Variants in LAMA2 observed in about 807,000 individuals in gnomAD.
The protein encoded by LAMA2 is laminin subunit alpha 2.
LAMA2 carries 269 observed loss-of-function variants against 364.8 expected under a neutral mutation model. That is an observed-to-expected ratio of 0.74 (90% CI 0.67 to 0.82). The LOEUF is 0.82. Ranked by LOEUF, LAMA2 falls within the 40% of genes least tolerant of loss-of-function variation. The pLI, the probability that LAMA2 is intolerant of heterozygous loss-of-function variation, is 0.00. For synonymous variants in LAMA2, 1,379 were observed against 1,370.6 expected (o/e 1.01, Z -0.14); for missense variants, 3,807 against 3,873.2 (o/e 0.98, Z 0.45).
chr6:129,445,180 A>G (rs919921269), intron 44 of LAMA2, among the ~76,000 whole-genome samples: 5 of 152,180 alleles, frequency 3.3e-5, no homozygotes, highest in Non-Finnish European at 7.4e-5. Context: ...TTCAAAAGAC[A>G]TTTTGATAGC....
At position 129,515,104 on chromosome 6, in the gene LAMA2, A is replaced by G. The variant is rs9492335; in HGVS notation, c.9211+509A>G. On this transcript the variant is annotated intron_variant, in intron 64 of 64. Coordinates refer to ENST00000421865, the MANE Select transcript of LAMA2 (RefSeq NM_000426.4). The stretch of plus-strand genomic sequence containing the variant: ...CTCATTCAGAATCCTTCTCTAGCAC[A>G]TTAAATATAGCATGTGAACTGTAGA... 3.8e-3 allele frequency among the ~76,000 whole-genome samples: 580 copies of G among 152,346 alleles called. 5 individuals are homozygous for G. The highest frequency in any genetic ancestry group is 0.013 in the African/African-American group (556 of 41,584).
At chr6:128,899,949 T>C (rs973670882) in intron 1 of LAMA2, among the ~76,000 whole-genome samples, 4 of 152,198 alleles carry the variant, frequency 2.6e-5, no homozygotes, top group African/African-American at 9.7e-5. Flanking sequence ...ATTATAGGGA[T>C]AAAATATAGA....
At chr6:128,978,003 T>A (rs949441171) in intron 1 of LAMA2, among the ~76,000 whole-genome samples, 8 of 152,204 alleles carry the variant, frequency 5.3e-5, no homozygotes, top group Non-Finnish European at 1.2e-4. Context: ...GAAATTTTTT[T>A]AAAATGATAT....
At chr6:128,989,266 A>G (rs1285771689) in intron 1 of LAMA2, among the ~76,000 whole-genome samples, 1 of 152,224 alleles carries the variant, frequency 6.6e-6, no homozygotes, top group Non-Finnish European at 1.5e-5. Flanking sequence ...TATAATATGA[A>G]GATAGAATAA....
At chr6:129,029,200 A>C (rs1337740141) in intron 1 of LAMA2, among the ~76,000 whole-genome samples, 1 of 151,996 alleles carries the variant, frequency 6.6e-6, no homozygotes, top group Non-Finnish European at 1.5e-5. Context: ...ATGATGAAGA[A>C]ATTACTCTGT....
rs1266546305 is a variant in LAMA2 at position 129,460,584 on chromosome 6, A to AT, written c.6992+264dup. ...TTTATAAAATTTGCAAAGGTAAGAG[A>AT]TTTTGGCTACAATCAGTTAAGTTTC... On this transcript the variant is annotated intron_variant, in intron 49 of 64. Transcript: ENST00000421865. Among the ~76,000 whole-genome samples, 3 of 151,958 alleles carry AT rather than the reference A, an allele frequency of 2.0e-5. No homozygotes were observed. The East Asian group carries it at 5.8e-4, about 29-fold the overall frequency.
intron 1 of LAMA2, among the ~76,000 whole-genome samples, chr6:128,995,660 T>C (rs1783889644): frequency 6.6e-6 from 1 of 152,100 alleles, no homozygotes; most frequent in Admixed American, 6.5e-5. Flanking sequence ...CTTCTCTCTC[T>C]CCCCTCTGTT....
At chr6:129,222,587 G>A (rs1247548296) in intron 12 of LAMA2, among the ~76,000 whole-genome samples, 11 of 145,744 alleles carry the variant, frequency 7.5e-5, no homozygotes, top group Non-Finnish European at 1.5e-5. Context: ...GTGAGAATAT[G>A]CGATGTTTAG....
At chr6:129,314,924 T>A (rs559278195) in intron 24 of LAMA2, 126 bp downstream of exon 24, 6 of 956,812 alleles carry the variant, frequency 6.3e-6, no homozygotes, top group Non-Finnish European at 1.0e-5. Flanking sequence ...CTGTGAACAT[T>A]TAGGAACAGC....
intron 1 of LAMA2, among the ~76,000 whole-genome samples, chr6:129,021,290 T>C (rs1455471296): frequency 6.6e-6 from 1 of 152,206 alleles, no homozygotes; most frequent in Non-Finnish European, 1.5e-5. Flanking sequence ...AAATATTTCA[T>C]TTGAAAATCA....
In LAMA2 at chr6:129,388,187, G is replaced by A. The variant is rs185918222; in HGVS notation, c.5072-3304G>A. On this transcript the variant is annotated intron_variant, in intron 35 of 64. Transcript: ENST00000421865. ...CAGTAGAATCGCTTGAACCCAGGAG[G>A]TGCGGTCGCAGTGAGCAGAAATTGT... Among the ~76,000 whole-genome samples the A allele has an allele frequency of 3.5e-4, 53 of 151,600 alleles. No individual in the cohort carries two copies. The East Asian group carries it at 6.6e-3, about 19-fold the overall frequency.
chr6:129,084,613 A>G (rs1348428980), intron 3 of LAMA2, among the ~76,000 whole-genome samples: 1 of 152,176 alleles, frequency 6.6e-6, no homozygotes, highest in African/African-American at 2.4e-5. Context: ...CAGGCAAACA[A>G]TGAAAAAGTC....
chr6:129,327,214 C>A (rs1421148696), intron 28 of LAMA2, among the ~76,000 whole-genome samples: 2 of 152,034 alleles, frequency 1.3e-5, no homozygotes, highest in Non-Finnish European at 2.9e-5. Context: ...TTATCCAAAT[C>A]AAAATAAACA....
intron 1 of LAMA2, among the ~76,000 whole-genome samples, chr6:129,046,543 G>A (rs1294207392): frequency 1.3e-5 from 2 of 152,098 alleles, no homozygotes; most frequent in African/African-American, 2.4e-5. Context: ...ACCTCCCAAC[G>A]TGTCCCTCCC....
At chr6:129,033,583 A>G (rs892891874) in intron 1 of LAMA2, among the ~76,000 whole-genome samples, 4 of 152,098 alleles carry the variant, frequency 2.6e-5, no homozygotes, top group African/African-American at 9.7e-5. Flanking sequence ...TGTTTTCTAT[A>G]TCACAAGTAC....
chr6:128,977,604 C>A (rs747082136), intron 1 of LAMA2, among the ~76,000 whole-genome samples: 1 of 152,058 alleles, frequency 6.6e-6, no homozygotes, highest in African/African-American at 2.4e-5. Context: ...ATTGTACTTA[C>A]GATAAATGTT....
At chr6:129,042,132 C>T (rs985632609) in intron 1 of LAMA2, among the ~76,000 whole-genome samples, 2 of 151,912 alleles carry the variant, frequency 1.3e-5, no homozygotes, top group Admixed American at 1.3e-4. Context: ...TGGCAAAACC[C>T]CGTCTCTACT....
intron 41 of LAMA2, among the ~76,000 whole-genome samples, chr6:129,430,797 C>T (rs189586310): frequency 1.3e-5 from 2 of 152,078 alleles, no homozygotes; most frequent in East Asian, 1.9e-4. Flanking sequence ...GAGCCAAGAT[C>T]GCTCCATTGC....
intron 40 of LAMA2, among the ~76,000 whole-genome samples, chr6:129,420,067 T>C (rs1296151526): frequency 5.3e-5 from 8 of 152,108 alleles, no homozygotes; most frequent in Admixed American, 3.9e-4. Flanking sequence ...GAAGAAAATA[T>C]AAAATGTGCA....
Sources: allele counts gnomAD v4.1 joint callset (sites outside exome capture counted in the v4.1 genomes callset), GRCh38; gene constraint gnomAD v4.1.1; transcripts MANE v1.5; gene names NCBI Gene and HGNC (gene_info 2026-07-23, HGNC 2026-07-21).